Variants in GPC5 observed in about 807,000 individuals in gnomAD.
GPC5 encodes the protein glypican 5.
Under a neutral mutation model 53.9 loss-of-function variants are expected in GPC5, and 47 were observed. That is an observed-to-expected ratio of 0.87 (90% CI 0.69 to 1.11). GPC5 has a LOEUF of 1.11. Ranked by LOEUF, GPC5 falls within the 50% of genes most tolerant of loss-of-function variation. The pLI, the probability that GPC5 is intolerant of heterozygous loss-of-function variation, is 0.00. For synonymous variants in GPC5, 286 were observed against 263.3 expected (o/e 1.09, Z -0.84); for missense variants, 748 against 713.1 (o/e 1.05, Z -0.56).
intron 6 of GPC5, among the ~76,000 whole-genome samples, chr13:92,007,215 G>A (rs2138765896): frequency 6.6e-6 from 1 of 152,176 alleles, no homozygotes; most frequent in South Asian, 2.1e-4. Context: ...TAATGGCCAG[G>A]CCAGCATACA....
At chr13:92,741,559 T>C (rs893168780) in intron 7 of GPC5, among the ~76,000 whole-genome samples, 11 of 152,130 alleles carry the variant, frequency 7.2e-5, no homozygotes, top group African/African-American at 2.6e-4. Context: ...GAAGGCAACT[T>C]TAGGAGTAAA....
intron 7 of GPC5, among the ~76,000 whole-genome samples, chr13:92,236,001 C>G (rs1479526399): frequency 2.6e-5 from 4 of 152,052 alleles, no homozygotes; most frequent in Non-Finnish European, 5.9e-5. Context: ...CCTGATGACT[C>G]AGGTAGAATA....
At chr13:92,074,543 G>T (rs2041237714) in intron 6 of GPC5, among the ~76,000 whole-genome samples, 1 of 152,146 alleles carries the variant, frequency 6.6e-6, no homozygotes. Flanking sequence ...TAGTTGGCCA[G>T]TAATGAAAAC....
intron 2 of GPC5, among the ~76,000 whole-genome samples, chr13:91,637,501 G>A (rs1281958741): frequency 6.6e-6 from 1 of 152,180 alleles, no homozygotes; most frequent in African/African-American, 2.4e-5. Context: ...AGTCATGTAG[G>A]ATGAAAGGAA....
rs71113764 is a variant in GPC5 at position 91,806,021 on chromosome 13, A to ATTTTTTT, written c.1280+49625_1280+49631dup. On this transcript the variant is annotated intron_variant, in intron 5 of 7. Transcript: ENST00000377067. ...ATGTGAACCTTCAACAAATACAATA[A>ATTTTTTT]TTTTTTTTTTTTTTTTTTTTTTTTT... is the stretch of plus-strand genomic sequence containing the variant. Among the ~76,000 whole-genome samples, 77 of 48,614 alleles carry ATTTTTTT rather than the reference A, an allele frequency of 1.6e-3. 8 individuals carry two copies. Among genetic ancestry groups the ATTTTTTT allele is most frequent in the African/African-American group, 3.6e-3 (41 of 11,460 alleles). The allele number at this position is 48,614 out of a possible 152,430, so 31.9% of individuals were successfully genotyped here. A position where few individuals can be genotyped will look rare whatever the true frequency, so the allele number is the denominator to read the frequency against.
At chr13:91,571,817 GTGTGTATATATACACATATACT>G (rs2031819155) in intron 2 of GPC5, among the ~76,000 whole-genome samples, 1 of 109,494 alleles carries the variant, frequency 9.1e-6, no homozygotes, top group Non-Finnish European at 1.8e-5. Context: ...ACACATACGT[GTGTGTATATATACACATATACT>G]TGTGTGTATA....
At chr13:92,360,577 A>T (rs1407791434) in intron 7 of GPC5, among the ~76,000 whole-genome samples, 1 of 151,212 alleles carries the variant, frequency 6.6e-6, no homozygotes, top group African/African-American at 2.4e-5. Flanking sequence ...CAAAACAAGG[A>T]TGCCCCTTCT....
intron 7 of GPC5, among the ~76,000 whole-genome samples, chr13:92,556,586 C>A (rs1297755398): frequency 6.6e-6 from 1 of 151,714 alleles, no homozygotes; most frequent in Non-Finnish European, 1.5e-5. Context: ...TGAAAACACC[C>A]AGTCTCAATA....
intron 6 of GPC5, among the ~76,000 whole-genome samples, chr13:92,066,536 A>G (rs2041169314): frequency 6.6e-6 from 1 of 152,016 alleles, no homozygotes; most frequent in African/African-American, 2.4e-5. Context: ...TTTGAAGGGA[A>G]CATTAAAACC....
chr13:92,780,807 G>A (rs2138761541), intron 7 of GPC5, among the ~76,000 whole-genome samples: 2 of 152,102 alleles, frequency 1.3e-5, no homozygotes, highest in Non-Finnish European at 2.9e-5. Flanking sequence ...TTTAGTCAAG[G>A]TAAAAATGAA....
chr13:92,226,085 G>T (rs1029969093), intron 7 of GPC5, among the ~76,000 whole-genome samples: 20 of 152,236 alleles, frequency 1.3e-4, no homozygotes, highest in African/African-American at 4.8e-4. Flanking sequence ...GCTTAAGAGT[G>T]TGGCACTTCC....
At chr13:92,191,437 A>G (rs2042222079) in intron 7 of GPC5, among the ~76,000 whole-genome samples, 1 of 152,160 alleles carries the variant, frequency 6.6e-6, no homozygotes, top group Non-Finnish European at 1.5e-5. Context: ...GGGAATGTAA[A>G]ATGCTACAAC....
intron 7 of GPC5, among the ~76,000 whole-genome samples, chr13:92,353,266 CAAAAAAAA>C (rs563794696): frequency 3.0e-5 from 2 of 66,952 alleles, no homozygotes; most frequent in African/African-American, 1.2e-4. Context: ...GACTCCGTCT[CAAAAAAAA>C]AAAAAAAAAA....
intron 6 of GPC5, among the ~76,000 whole-genome samples, chr13:92,077,285 A>C (rs1240228486): frequency 6.6e-6 from 1 of 152,154 alleles, no homozygotes; most frequent in African/African-American, 2.4e-5. Flanking sequence ...AAGTCTCTTA[A>C]AATATTTTAC....
intron 5 of GPC5, among the ~76,000 whole-genome samples, chr13:91,887,259 C>T (rs1354791481): frequency 6.6e-6 from 1 of 152,124 alleles, no homozygotes; most frequent in African/African-American, 2.4e-5. Flanking sequence ...TGTCTCCCAC[C>T]CAAGCCATGG....
chr13:91,615,965 T>C (rs1410678038), intron 2 of GPC5, among the ~76,000 whole-genome samples: 2 of 152,154 alleles, frequency 1.3e-5, no homozygotes, highest in African/African-American at 4.8e-5. Context: ...AGATTTACCA[T>C]TAAGATTTGA....
chr13:92,177,219 G>A (rs938864884), intron 7 of GPC5, among the ~76,000 whole-genome samples: 5 of 152,156 alleles, frequency 3.3e-5, no homozygotes, highest in Non-Finnish European at 5.9e-5. Context: ...AGAACATGTT[G>A]TTTTCTAGCC....
intron 6 of GPC5, among the ~76,000 whole-genome samples, chr13:92,109,139 T>G (rs1594766629): frequency 7.0e-6 from 1 of 142,518 alleles, no homozygotes; most frequent in South Asian, 2.4e-4. Context: ...CAATCTCGGC[T>G]CACTGCAGTC....
At chr13:91,939,883 C>T (rs969934133) in intron 6 of GPC5, among the ~76,000 whole-genome samples, 2 of 152,048 alleles carry the variant, frequency 1.3e-5, no homozygotes, top group African/African-American at 4.8e-5. Flanking sequence ...TCATATAGTC[C>T]AAACTTTTCT....
Sources: allele counts gnomAD v4.1 joint callset (sites outside exome capture counted in the v4.1 genomes callset), GRCh38; gene constraint gnomAD v4.1.1; transcripts MANE v1.5; gene names NCBI Gene and HGNC (gene_info 2026-07-23, HGNC 2026-07-21).